Variants in FRMPD2 observed in about 807,000 individuals in gnomAD.
The protein encoded by FRMPD2 is FERM and PDZ domain-containing protein 2.
FRMPD2 carries 96 observed loss-of-function variants against 140.1 expected under a neutral mutation model. The observed-to-expected ratio is 0.69, with a 90% CI of 0.58 to 0.81. The LOEUF (loss-of-function observed/expected upper bound fraction) is 0.81. FRMPD2 is among the 40% of genes least tolerant of loss of function. The probability of loss-of-function intolerance (pLI) is 0.00; values close to 1 mark genes in which losing one functional copy is unlikely to be tolerated. For missense variants in FRMPD2, 1,240 were observed against 1,447.4 expected (o/e 0.86, Z 2.32); for synonymous variants, 449 against 547.6 (o/e 0.82, Z 2.52).
rs201865478 is a variant in FRMPD2 at position 48,240,383 on chromosome 10, G to A, written c.677C>T (p.Pro226Leu). The A allele has an allele frequency of 5.8e-5, 93 of 1,612,762 alleles. No individual in the cohort carries two copies. The highest frequency in any genetic ancestry group is 1.4e-4 in the South Asian group (13 of 91,074). ...ACCTCTGCAAGGATGCAGACACTCC[G>A]GGGCCTGTGCCGCTGGGCTCTCGCT... Reference protein sequence around the residue: ...TSSESPAAQAPECLHPCRVSE... With the variant: ...TSSESPAAQALECLHPCRVSE... The change falls in exon 6 of 29, where the codon CCG becomes CTG. Residue 226 changes from proline (P) to leucine (L), a missense_variant. Around this residue, in one of 6 missense-constraint regions of FRMPD2, gnomAD observed 1,161 missense variants for 1,055.9 expected, o/e 1.10. Transcript: ENST00000374201.
chr10:48,261,469 A>G (rs867413325), intron 1 of FRMPD2, among the ~76,000 whole-genome samples: 1 of 152,114 alleles, frequency 6.6e-6, no homozygotes, highest in Admixed American at 6.6e-5. Context: ...TCTCTTCACA[A>G]ACTGTTCAAG....
chr10:48,213,090 G>A (rs887830630), intron 12 of FRMPD2, among the ~76,000 whole-genome samples: 1 of 152,176 alleles, frequency 6.6e-6, no homozygotes, highest in African/African-American at 2.4e-5. Context: ...GGCTGGGGGT[G>A]AATGAGTTGG....
intron 16 of FRMPD2, among the ~76,000 whole-genome samples, chr10:48,188,849 A>G (rs149067303): frequency 3.0e-4 from 46 of 152,328 alleles, no homozygotes; most frequent in African/African-American, 1.1e-3. Context: ...AAAGGATGAA[A>G]TGTGAATGAT....
At chr10:48,245,201 T>TC (rs1448135609) in intron 3 of FRMPD2, among the ~76,000 whole-genome samples, 1 of 152,202 alleles carries the variant, frequency 6.6e-6, no homozygotes, top group African/African-American at 2.4e-5. Flanking sequence ...CATGGAGTCT[T>TC]CGCAGCCATT....
intron 9 of FRMPD2, among the ~76,000 whole-genome samples, chr10:48,232,623 C>T (rs1839876909): frequency 6.6e-6 from 1 of 152,126 alleles, no homozygotes; most frequent in Admixed American, 6.5e-5. Context: ...GCTCTGCTTC[C>T]TAAGAGGGTC....
chr10:48,159,303 G>A lies in FRMPD2; in HGVS notation c.3882-1933C>T, dbSNP rs1367387509. 7 of 453,836 alleles carry A rather than the reference G, an allele frequency of 1.5e-5. No individual in the cohort carries two copies. The Admixed American group carries it at 1.6e-4, about 11-fold the overall frequency. 28.1% of individuals were successfully genotyped at this position (453,836 alleles called of 1,614,324 possible). Reference sequence around the variant, plus strand: ...TTTGAAGCTCAGATGATAAATCTGAGCTGAAGTACAATACTTAGGATTTGT... The same window carrying A: ...TTTGAAGCTCAGATGATAAATCTGAACTGAAGTACAATACTTAGGATTTGT... On this transcript the variant is annotated intron_variant, in intron 28 of 28. Transcript: ENST00000374201.
chr10:48,203,666 T>C (rs1186308967), intron 14 of FRMPD2, among the ~76,000 whole-genome samples: 2 of 152,168 alleles, frequency 1.3e-5, no homozygotes, highest in African/African-American at 4.8e-5. Context: ...TTGTATTTGA[T>C]ACATCTTTGT....
chr10:48,226,850 T>C (rs564969544), intron 10 of FRMPD2, among the ~76,000 whole-genome samples: 1 of 152,384 alleles, frequency 6.6e-6, no homozygotes, highest in East Asian at 1.9e-4. Context: ...TTTTCTCCTG[T>C]TGATCTTTCT....
At chr10:48,176,575 A>G (rs1424060805) in intron 22 of FRMPD2, among the ~76,000 whole-genome samples, 1 of 151,542 alleles carries the variant, frequency 6.6e-6, no homozygotes, top group African/African-American at 2.4e-5. Context: ...TGAGTGAGAC[A>G]TTTCAAGAAT....
At chr10:48,213,666 C>A (rs1839381184) in intron 12 of FRMPD2, among the ~76,000 whole-genome samples, 1 of 152,048 alleles carries the variant, frequency 6.6e-6, no homozygotes, top group African/African-American at 2.4e-5. Flanking sequence ...AGCTGTCAAG[C>A]CTTGAAAAGA....
At chr10:48,244,958 G>T (rs1026829604) in intron 3 of FRMPD2, 109 bp from the exon 4 acceptor site, 1 of 847,520 alleles carries the variant, frequency 1.2e-6, no homozygotes, top group East Asian at 2.6e-5. Context: ...GTTGTCTGGC[G>T]AGTCTAGCAC....
At chr10:48,212,507 C>T (rs1839352207) in intron 12 of FRMPD2, among the ~76,000 whole-genome samples, 1 of 152,176 alleles carries the variant, frequency 6.6e-6, no homozygotes. Context: ...ACCTCAAACC[C>T]TCACACTTTC....
chr10:48,222,037 T>TGG (rs1564429933), intron 12 of FRMPD2, among the ~76,000 whole-genome samples: 2 of 123,338 alleles, frequency 1.6e-5, no homozygotes, highest in Non-Finnish European at 3.4e-5. Flanking sequence ...TGGATGGATA[T>TGG]ATGAATAGGT....
chr10:48,248,971 C>G, intron 3 of FRMPD2, 50 bp downstream of exon 3: 1 of 1,520,522 alleles, frequency 6.6e-7, no homozygotes, highest in Non-Finnish European at 8.9e-7. Flanking sequence ...TGGGACAGGC[C>G]TTTCCCAGGG....
chr10:48,272,108 T>C (rs1840779557), intron 1 of FRMPD2, among the ~76,000 whole-genome samples: 1 of 152,228 alleles, frequency 6.6e-6, no homozygotes, highest in Non-Finnish European at 1.5e-5. Flanking sequence ...GTTGAATTCA[T>C]AGTCATCTAT....
intron 3 of FRMPD2, chr10:48,248,656 G>A (rs2131962552): frequency 6.3e-6 from 1 of 158,526 alleles, no homozygotes; most frequent in Non-Finnish European, 1.4e-5. Flanking sequence ...TCCTAGTTGA[G>A]GACGTGTTGG....
intron 3 of FRMPD2, among the ~76,000 whole-genome samples, 153 bp from the exon 4 acceptor site, chr10:48,245,002 A>T (rs558453303): frequency 1.2e-4 from 18 of 151,832 alleles, no homozygotes; most frequent in African/African-American, 4.3e-4. Flanking sequence ...GTTACCTCCT[A>T]CTCCGGAGGC....
intron 1 of FRMPD2, among the ~76,000 whole-genome samples, chr10:48,252,898 C>A (rs537830729): frequency 6.7e-6 from 1 of 150,334 alleles, no homozygotes; most frequent in Non-Finnish European, 1.5e-5. Context: ...CCTTCCTTTT[C>A]CTTTCCTTTT....
intron 14 of FRMPD2, among the ~76,000 whole-genome samples, chr10:48,202,934 G>A (rs1839122919): frequency 6.6e-6 from 1 of 151,972 alleles, no homozygotes; most frequent in Admixed American, 6.6e-5. Context: ...CCAAGTAGTT[G>A]GGACCACAGT....
Sources: gnomAD v4.1 joint callset for allele counts (sites outside exome capture counted in the v4.1 genomes callset) on GRCh38, gnomAD v4.1.1 for gene constraint, gnomAD v4.1.1 regional missense constraint, MANE v1.5 for transcripts, NCBI Gene and HGNC (gene_info 2026-07-23, HGNC 2026-07-21) for gene names.